The following PTPRD variants were observed in gnomAD, a reference collection of about 807,000 sequenced individuals.
PTPRD encodes the protein receptor-type tyrosine-protein phosphatase delta.
PTPRD carries 34 observed loss-of-function variants against 214.5 expected under a neutral mutation model. The observed-to-expected ratio is 0.16, with a 90% CI of 0.12 to 0.21. The LOEUF is 0.21. PTPRD is among the 10% of genes least tolerant of loss of function. PTPRD has a pLI of 1.00. For missense variants in PTPRD, 2,545 were observed against 2,398.7 expected (o/e 1.06, Z -1.27); for synonymous variants, 1,128 against 845.7 (o/e 1.33, Z -5.79).
chr9:10,410,586 T>C (rs986331583), intron 2 of PTPRD, among the ~76,000 whole-genome samples: 2 of 151,682 alleles, frequency 1.3e-5, no homozygotes, highest in Non-Finnish European at 2.9e-5. Flanking sequence ...TCTTATGTAT[T>C]CATAGCTTCT....
At chr9:9,087,459 G>A (rs1267133980) in intron 10 of PTPRD, among the ~76,000 whole-genome samples, 2 of 152,160 alleles carry the variant, frequency 1.3e-5, no homozygotes, top group African/African-American at 2.4e-5. Flanking sequence ...CCTGCATACT[G>A]AAGAGGCATT....
intron 11 of PTPRD, among the ~76,000 whole-genome samples, chr9:8,857,123 C>A (rs1381629227): frequency 6.6e-6 from 1 of 152,182 alleles, no homozygotes; most frequent in African/African-American, 2.4e-5. Flanking sequence ...CAATCCCCCT[C>A]CTCTATGGCA....
intron 3 of PTPRD, among the ~76,000 whole-genome samples, chr9:10,270,649 T>C (rs2154382374): frequency 6.6e-6 from 1 of 152,294 alleles, no homozygotes; most frequent in African/African-American, 2.4e-5. Flanking sequence ...GACAATTAAA[T>C]TTAAATGGAA....
chr9:9,484,939 G>C (rs1252212987), intron 8 of PTPRD, among the ~76,000 whole-genome samples: 2 of 152,160 alleles, frequency 1.3e-5, no homozygotes. Context: ...GAAATTGAAA[G>C]CAAAAACTAT....
intron 9 of PTPRD, among the ~76,000 whole-genome samples, chr9:9,229,458 T>C (rs920217906): frequency 1.1e-4 from 16 of 152,210 alleles, no homozygotes; most frequent in South Asian, 6.2e-4. Context: ...TCTGTAATCC[T>C]TCATTGCGCC....
intron 10 of PTPRD, among the ~76,000 whole-genome samples, chr9:9,070,747 T>C (rs944780802): frequency 6.6e-6 from 1 of 152,218 alleles, no homozygotes; most frequent in African/African-American, 2.4e-5. Context: ...GAAATCTTAA[T>C]AATTTTTTAG....
rs538632022 is a variant in PTPRD, at chr9:10,211,990, C to T, written c.-545+128973G>A. On this transcript the variant is annotated intron_variant, in intron 3 of 45. Transcript: ENST00000381196. ...CAAGATACAGCAGGTCAATTTTGTC[C>T]ATACGATTGAATGTTGGATAAAATT... Among the ~76,000 whole-genome samples the T allele has an allele frequency of 2.0e-5, 3 of 152,162 alleles. No individual in the cohort carries two copies. In the South Asian group the frequency reaches 6.2e-4, roughly 32 times the overall value.
chr9:10,119,770 T>C (rs2154246846), intron 3 of PTPRD, among the ~76,000 whole-genome samples: 1 of 152,164 alleles, frequency 6.6e-6, no homozygotes, highest in African/African-American at 2.4e-5. Context: ...TTCCTGTCTA[T>C]AAAAGCAGTC....
intron 9 of PTPRD, among the ~76,000 whole-genome samples, chr9:9,234,532 T>C (rs779493949): frequency 6.6e-6 from 1 of 152,164 alleles, no homozygotes; most frequent in Non-Finnish European, 1.5e-5. Context: ...CAGAAAATTG[T>C]TTTCTTCTTT....
At chr9:9,646,615 T>C (rs1352039603) in intron 7 of PTPRD, among the ~76,000 whole-genome samples, 2 of 152,254 alleles carry the variant, frequency 1.3e-5, no homozygotes, top group South Asian at 2.1e-4. Flanking sequence ...TAGTTGAATA[T>C]GCCTTCTTCC....
chr9:9,084,229 A>C (rs1375155591), intron 10 of PTPRD, among the ~76,000 whole-genome samples: 1 of 152,222 alleles, frequency 6.6e-6, no homozygotes, highest in Non-Finnish European at 1.5e-5. Context: ...GCCATGAAAA[A>C]GGATGAGTTC....
intron 8 of PTPRD, among the ~76,000 whole-genome samples, chr9:9,561,547 C>A (rs1311191154): frequency 6.6e-6 from 1 of 152,118 alleles, no homozygotes; most frequent in African/African-American, 2.4e-5. Context: ...TAGATTTTCA[C>A]AAAGAACAAG....
At chr9:8,540,237 G>C (rs1243541354) in intron 14 of PTPRD, among the ~76,000 whole-genome samples, 1 of 152,034 alleles carries the variant, frequency 6.6e-6, no homozygotes, top group Non-Finnish European at 1.5e-5. Context: ...TGGGTAGCTA[G>C]ATATACTCAA....
chr9:8,325,146 G>A, intron 44 of PTPRD, among the ~76,000 whole-genome samples: 1 of 149,580 alleles, frequency 6.7e-6, no homozygotes, highest in African/African-American at 2.5e-5. Context: ...CATTGCTTTT[G>A]GTGTTTTAGT....
intron 5 of PTPRD, among the ~76,000 whole-genome samples, chr9:9,779,915 C>A (rs1331528207): frequency 1.3e-5 from 2 of 152,084 alleles, no homozygotes; most frequent in Admixed American, 6.5e-5. Context: ...GGTATATACC[C>A]CAAAGAAAAT....
chr9:9,744,993 A>G (rs1038389572), intron 6 of PTPRD, among the ~76,000 whole-genome samples: 1 of 152,080 alleles, frequency 6.6e-6, no homozygotes, highest in Non-Finnish European at 1.5e-5. Context: ...CATAATCAAC[A>G]AGCTAATTCA....
chr9:9,472,502 C>T lies in PTPRD; in HGVS notation c.-236-75020G>A, dbSNP rs547360909. ...ACAGGCGTGAGCCACCACGCCCGGC[C>T]CCCTACTCCAATCTTTAGGCACTTG... On this transcript the variant is annotated intron_variant, in intron 8 of 45. Coordinates refer to ENST00000381196, the MANE Select transcript of PTPRD (RefSeq NM_002839.4). Among the ~76,000 whole-genome samples, 3 of 152,314 alleles carry T rather than the reference C, an allele frequency of 2.0e-5. No homozygotes were observed. In the South Asian group the frequency reaches 6.2e-4, roughly 32 times the overall value.
chr9:9,851,348 C>G (rs1329642462), intron 5 of PTPRD, among the ~76,000 whole-genome samples: 1 of 152,198 alleles, frequency 6.6e-6, no homozygotes, highest in Non-Finnish European at 1.5e-5. Context: ...GGCATGGCAG[C>G]TTCTACACAG....
intron 14 of PTPRD, among the ~76,000 whole-genome samples, chr9:8,568,767 A>C (rs1005315669): frequency 3.2e-4 from 48 of 152,098 alleles, no homozygotes; most frequent in African/African-American, 1.1e-3. Context: ...TTTCAGAGGC[A>C]TAACAGTCTC....
Sources: gnomAD v4.1 joint callset for allele counts (sites outside exome capture counted in the v4.1 genomes callset) on GRCh38, gnomAD v4.1.1 for gene constraint, MANE v1.5 for transcripts, NCBI Gene and HGNC (gene_info 2026-07-23, HGNC 2026-07-21) for gene names.